The following PADI2 variants were observed in gnomAD, a reference collection of about 807,000 sequenced individuals.
PADI2 encodes the protein peptidyl arginine deiminase 2.
Under a neutral mutation model 81.1 loss-of-function variants are expected in PADI2, and 70 were observed. That is an observed-to-expected ratio of 0.86 (90% CI 0.71 to 1.05). PADI2 has a LOEUF of 1.05. Ranked by LOEUF, PADI2 falls within the 50% of genes least tolerant of loss-of-function variation. PADI2 has a pLI of 0.00. For synonymous variants in PADI2, 338 were observed against 358.0 expected, an observed-to-expected ratio of 0.94 and a Z score of 0.63; for missense variants, 853 against 889.9, an observed-to-expected ratio of 0.96 and a Z score of 0.53.
chr1:17,098,036 A>C (rs2101599094), intron 3 of PADI2, among the ~76,000 whole-genome samples: 1 of 151,666 alleles, frequency 6.6e-6, no homozygotes, highest in Non-Finnish European at 1.5e-5. Flanking sequence ...AGGCGTGACC[A>C]CCCCCACCCC....
At chr1:17,082,870 G>T in intron 9 of PADI2, 1 of 449,818 alleles carries the variant, frequency 2.2e-6, no homozygotes, top group South Asian at 3.5e-5. Context: ...ACCGATATCA[G>T]CCCCATTTTT....
At chr1:17,107,655 G>A (rs1931430564) in intron 1 of PADI2, among the ~76,000 whole-genome samples, 2 of 152,198 alleles carry the variant, frequency 1.3e-5, no homozygotes, top group African/African-American at 4.8e-5. Flanking sequence ...GAGAGCCCTG[G>A]GCTGGCCAAG....
intron 1 of PADI2, among the ~76,000 whole-genome samples, chr1:17,113,952 A>G (rs1453977465): frequency 1.3e-5 from 2 of 152,204 alleles, no homozygotes; most frequent in African/African-American, 4.8e-5. Flanking sequence ...AGGGACCCCA[A>G]CTATGCAGGG....
At chr1:17,118,835 G>C (rs934362184) in intron 1 of PADI2, among the ~76,000 whole-genome samples, 1 of 152,064 alleles carries the variant, frequency 6.6e-6, no homozygotes, top group Admixed American at 6.5e-5. Flanking sequence ...CCCAGTCCCC[G>C]GCAAGTCTCC....
At chr1:17,105,529 G>A (rs1193829570) in intron 1 of PADI2, among the ~76,000 whole-genome samples, 15 of 152,064 alleles carry the variant, frequency 9.9e-5, no homozygotes, top group Admixed American at 4.6e-4. Flanking sequence ...CTGAATAGCT[G>A]GGATACAGGC....
chr1:17,104,469 C>G (rs1424132220), intron 2 of PADI2, among the ~76,000 whole-genome samples: 2 of 92,294 alleles, frequency 2.2e-5, no homozygotes. Flanking sequence ...GAGTCTCGCT[C>G]TGTCGCCCAG....
At chr1:17,070,524 C>T (rs919077155) in intron 14 of PADI2, among the ~76,000 whole-genome samples, 5 of 152,198 alleles carry the variant, frequency 3.3e-5, no homozygotes, top group African/African-American at 4.8e-5. Flanking sequence ...CTCGGGCCAC[C>T]CCATGAGCTG....
At position 17,117,585 on chromosome 1, in the gene PADI2, A is replaced by G. The variant is rs558576883; in HGVS notation, c.92+1695T>C. ...AATCGTCACACTGCTGCCCCCTGCTAGAGGGAGGCTGAGTCCATATCTGCC... is the reference window on the plus strand; with the variant it reads ...AATCGTCACACTGCTGCCCCCTGCTGGAGGGAGGCTGAGTCCATATCTGCC... On this transcript the variant is annotated intron_variant, in intron 1 of 15. Coordinates refer to ENST00000375486, the MANE Select transcript of PADI2 (RefSeq NM_007365.3). Among the ~76,000 whole-genome samples the G allele has an allele frequency of 3.9e-5, 6 of 152,196 alleles. 1 individual carries two copies. The highest frequency in any genetic ancestry group is 3.4e-3 in the Middle Eastern group (1 of 294).
intron 1 of PADI2, among the ~76,000 whole-genome samples, chr1:17,116,675 G>A (rs996458021): frequency 6.6e-6 from 1 of 152,156 alleles, no homozygotes; most frequent in South Asian, 2.1e-4. Context: ...AACAGACCTG[G>A]ACCTGAGTCC....
chr1:17,079,493 C>A, intron 10 of PADI2, 78 bp from the exon 11 acceptor site: 1 of 1,250,996 alleles, frequency 8.0e-7, no homozygotes, highest in South Asian at 1.3e-5. Context: ...CCTCTTTTAT[C>A]ACCTTCAGTC....
At chr1:17,108,612 C>T (rs1042924767) in intron 1 of PADI2, among the ~76,000 whole-genome samples, 2 of 151,882 alleles carry the variant, frequency 1.3e-5, no homozygotes, top group African/African-American at 2.4e-5. Flanking sequence ...AGAGGTGAGT[C>T]GGACGGAAGG....
chr1:17,070,023 G>T, intron 15 of PADI2, 65 bp downstream of exon 15: 3 of 1,548,386 alleles, frequency 1.9e-6, no homozygotes, highest in Non-Finnish European at 2.6e-6. Flanking sequence ...TCAGCTGAGG[G>T]GTCCTTCTGG....
chr1:17,095,395 G>C (rs1476334226), intron 4 of PADI2, among the ~76,000 whole-genome samples: 1 of 152,056 alleles, frequency 6.6e-6, no homozygotes, highest in African/African-American at 2.4e-5. Context: ...ATGGGAGTGG[G>C]GAATGCAAGA....
chr1:17,096,515 C>T (rs1002707796), intron 3 of PADI2, among the ~76,000 whole-genome samples: 2 of 152,254 alleles, frequency 1.3e-5, no homozygotes, highest in African/African-American at 4.8e-5. Context: ...TAGATCCCAC[C>T]TTCAAGGACT....
Position 17,083,756 on chromosome 1 carries a change from C to A in PADI2, c.1020G>T (p.Gln340His). 6 of 1,613,704 alleles carry A rather than the reference C, an allele frequency of 3.7e-6. No individual in the cohort carries two copies. Among genetic ancestry groups the A allele is most frequent in the Non-Finnish European group, 5.1e-6 (6 of 1,179,582 alleles). Residue 340 changes from glutamine to histidine, a missense_variant, in exon 9 of 16, where the codon CAG (glutamine) becomes CAT (histidine). Gln to His is a conservative substitution (Grantham distance 24). Coordinates refer to ENST00000375486, the MANE Select transcript of PADI2 (RefSeq NM_007365.3). ...KTNCELKVCF[Q>H]YLNRGDRWIQ... The stretch of plus-strand genomic sequence containing the variant: ...TCCAGCGATCGCCTCGGTTTAGGTA[C>A]TGGAAGCAGACCTTCAGCTCACAGT...
At chr1:17,102,953 T>A in intron 3 of PADI2, 34 bp downstream of exon 3, 1 of 1,533,022 alleles carries the variant, frequency 6.5e-7, no homozygotes, top group South Asian at 1.1e-5. Context: ...CCCTGGGTGA[T>A]GAAGGCACTG....
intron 6 of PADI2, among the ~76,000 whole-genome samples, chr1:17,090,573 T>A (rs1298925583): frequency 2.0e-5 from 2 of 101,672 alleles, no homozygotes; most frequent in South Asian, 3.5e-4. Flanking sequence ...TTATCTGTCG[T>A]CCTTTGCTTG....
intron 1 of PADI2, among the ~76,000 whole-genome samples, chr1:17,108,259 T>A (rs1433819317): frequency 6.6e-6 from 1 of 152,078 alleles, no homozygotes; most frequent in Non-Finnish European, 1.5e-5. Context: ...ACATCCATCA[T>A]TAAGAGGGGC....
intron 12 of PADI2, 90 bp from the exon 13 acceptor site, chr1:17,075,039 G>T: frequency 2.7e-6 from 2 of 739,182 alleles, no homozygotes; most frequent in African/African-American, 1.7e-5. Flanking sequence ...CCAGTGCCTT[G>T]CCTGCTCATT....
Sources: gnomAD v4.1 joint callset for allele counts (sites outside exome capture counted in the v4.1 genomes callset) on GRCh38, gnomAD v4.1.1 for gene constraint, MANE v1.5 for transcripts, NCBI Gene and HGNC (gene_info 2026-07-23, HGNC 2026-07-21) for gene names.